Variants in GNE observed in about 807,000 individuals in gnomAD.
The protein encoded by GNE is bifunctional UDP-N-acetylglucosamine 2-epimerase/N-acetylmannosamine kinase.
In GNE, 41 loss-of-function variants were observed where a neutral mutation model predicts 61.8. The observed-to-expected ratio is 0.66, with a 90% CI of 0.52 to 0.86. GNE has a LOEUF of 0.86. Among genes scored for constraint, GNE ranks in the 40% least tolerant of loss-of-function variants. GNE has a pLI of 0.00. For missense variants in GNE, 608 were observed against 909.1 expected (o/e 0.67, Z 4.26); for synonymous variants, 264 against 326.4 (o/e 0.81, Z 2.06).
Position 36,246,722 on chromosome 9 carries a change from G to A in GNE, c.165-240C>T, listed in dbSNP as rs965610594. The stretch of plus-strand genomic sequence containing the variant: ...CTTGCTCTGTTGCCCAGGCTGGAGT[G>A]CAGTAGCGCGATCTAGGCTCACTGC... On this transcript the variant is annotated intron_variant, in intron 2 of 11. Transcript: ENST00000642385. Among the ~76,000 whole-genome samples the A allele has an allele frequency of 4.0e-4, 57 of 142,754 alleles. 1 individual carries two copies. Among genetic ancestry groups the A allele is most frequent in the South Asian group, 6.7e-4 (3 of 4,506 alleles). 93.7% of individuals were successfully genotyped at this position (142,754 alleles called of 152,430 possible).
intron 2 of GNE, among the ~76,000 whole-genome samples, chr9:36,247,832 G>A (rs896224878): frequency 6.6e-6 from 1 of 151,898 alleles, no homozygotes; most frequent in South Asian, 2.1e-4. Context: ...TTTGAGACCA[G>A]CCTGACCAAC....
chr9:36,229,627 G>A (rs1284781953), intron 5 of GNE, among the ~76,000 whole-genome samples: 1 of 152,192 alleles, frequency 6.6e-6, no homozygotes, highest in East Asian at 1.9e-4. Flanking sequence ...GTCAAGAAAG[G>A]AGTTGTTTTG....
Position 36,236,819 on chromosome 9 carries a change from C to G in GNE, c.769+13G>C, listed in dbSNP as rs768832776. 6.2e-7 allele frequency: 1 copy of G among 1,612,604 alleles called. No individual in the cohort carries two copies. The highest frequency in any genetic ancestry group is 1.7e-5 in the Admixed American group (1 of 60,000). On this transcript the variant is annotated intron_variant, in intron 4 of 11. Transcript: ENST00000642385. ...AAAGTAGGTGGCATAATTTCATTTT[C>G]AAGTTCAATTACCTGCGTCAATATT...
At chr9:36,261,524 G>A (rs547850482), upstream of GNE, among the ~76,000 whole-genome samples, 12 of 147,978 alleles carry the variant, frequency 8.1e-5, no homozygotes, top group East Asian at 1.8e-3. Context: ...CTGCACTCCA[G>A]CCTGGGCGAC....
At chr9:36,276,753 T>TA (rs1165995573) in intron 1 of GNE, 1 of 669,790 alleles carries the variant, frequency 1.5e-6, no homozygotes, top group Admixed American at 3.3e-5. Context: ...GAGTTAGCAG[T>TA]AAAAAAGTCT....
chr9:36,239,108 G>A (rs548007802), intron 3 of GNE, among the ~76,000 whole-genome samples: 1 of 152,276 alleles, frequency 6.6e-6, no homozygotes, highest in African/African-American at 2.4e-5. Flanking sequence ...TTTTGTACCA[G>A]TAACATGCTG....
chr9:36,231,144 AAGG>A (rs1554660511), intron 5 of GNE, among the ~76,000 whole-genome samples: 1 of 151,448 alleles, frequency 6.6e-6, no homozygotes, highest in African/African-American at 2.4e-5. Flanking sequence ...GGAAGGAAGG[AAGG>A]AAAAGAAAGA....
intron 9 of GNE, among the ~76,000 whole-genome samples, chr9:36,221,976 G>A (rs1174792330): frequency 6.6e-6 from 1 of 152,086 alleles, no homozygotes; most frequent in Non-Finnish European, 1.5e-5. Flanking sequence ...GTACCTGACG[G>A]GGCAGGACGA....
At position 36,265,157 on chromosome 9, in the gene GNE, G is replaced by A. The variant is rs888626740; in HGVS notation, c.51+11737C>T. 9.3e-5 allele frequency: 28 copies of A among 301,740 alleles called. No homozygotes were observed. The East Asian group carries it at 1.8e-3, about 19-fold the overall frequency. The allele number at this position is 301,740 out of a possible 1,614,324, so 18.7% of individuals were successfully genotyped here. ...TGAAGGCTTGCCGTTGTTCCTGCAC[G>A]GCAAGTGCCTGGGTTCGTCCTAATT... is the stretch of plus-strand genomic sequence containing the variant. On this transcript the variant is annotated intron_variant, in intron 1 of 11. Coordinates refer to the GNE transcript ENST00000396594.
chr9:36,259,392 CTTT>C (rs10557132), upstream of GNE, among the ~76,000 whole-genome samples: 2,584 of 151,656 alleles, frequency 0.017, 79 homozygotes, highest in African/African-American at 0.059. Context: ...ATATTAACAT[CTTT>C]TTTTTTTTAC....
rs1829024570 is a variant in GNE, at chr9:36,229,023, A to G, written c.1068T>C (p.Pro356=). The part of the protein sequence containing the change: ...ALHLQFGKQY[P]CSKIYGDGNA... The stretch of plus-strand genomic sequence containing the variant: ...AACAAAGAATGTTTTATACTCACCA[A>G]GGGTACTGTTTACCAAACTGAAGGT... Residue 356 remains proline, a splice_region_variant and synonymous_variant, in exon 6 of 12, where the codon CCT becomes CCC. Coordinates refer to ENST00000642385, the MANE Select transcript of GNE (RefSeq NM_005476.7). 1.9e-6 allele frequency: 3 copies of G among 1,565,206 alleles called. No individual in the cohort carries two copies. The highest frequency in any genetic ancestry group is 2.6e-6 in the Non-Finnish European group (3 of 1,135,646).
chr9:36,221,426 C>T (rs1414365378), intron 9 of GNE, among the ~76,000 whole-genome samples: 5 of 152,264 alleles, frequency 3.3e-5, no homozygotes, highest in Admixed American at 6.5e-5. Flanking sequence ...GGCTTAACCG[C>T]TTATTAGCTA....
chr9:36,249,200 A>G lies in GNE; in HGVS notation c.156T>C (p.Asp52=). 6.2e-7 allele frequency: 1 copy of G among 1,611,890 alleles called. No homozygotes were observed. The highest frequency in any genetic ancestry group is 2.2e-5 in the East Asian group (1 of 44,878). ...DVVVLGSHLI[D]DYGNTYRMIE... ...AAATGCTTTCATCTTACCCATAGTC[A>G]TCTATCAGGTGAGAGCCAAGTACCA... Residue 52 remains aspartate (D), a synonymous_variant, in exon 2 of 12, where the codon GAT becomes GAC. Coordinates refer to ENST00000642385, the MANE Select transcript of GNE (RefSeq NM_005476.7).
chr9:36,265,040 G>C (rs1830727688), intron 1 of GNE: 1 of 292,296 alleles, frequency 3.4e-6, no homozygotes, highest in Non-Finnish European at 6.5e-6. Context: ...CGCAGTCGCA[G>C]ACCCGCCGCT....
At chr9:36,249,564 C>T (rs1192360136) in intron 1 of GNE, among the ~76,000 whole-genome samples, 167 bp from the exon 2 acceptor site, 1 of 152,074 alleles carries the variant, frequency 6.6e-6, no homozygotes, top group African/African-American at 2.4e-5. Context: ...GTGTGACTCT[C>T]CCATTGGTAT....
chr9:36,232,383 C>G (rs939516863), intron 5 of GNE, among the ~76,000 whole-genome samples: 16 of 138,522 alleles, frequency 1.2e-4, no homozygotes, highest in Non-Finnish European at 2.0e-4. Context: ...CCGGAGTGAT[C>G]TTTCCAAAAT....
rs748042287 is a variant in GNE, at chr9:36,249,323, C to A, written c.33G>T (p.Arg11=). The change falls in exon 2 of 12, where the codon CGG becomes CGT. Residue 11 remains arginine, a synonymous_variant. Coordinates refer to ENST00000642385, the MANE Select transcript of GNE (RefSeq NM_005476.7). The part of the protein sequence containing the change: MEKNGNNRKL[R]VCVATCNRAD... ...CACGGTTACAAGTAGCAACACAAAC[C>A]CGCAGCTTTCGGTTATTTCCATTCT... is the stretch of plus-strand genomic sequence containing the variant. The A allele has an allele frequency of 1.2e-6, 2 of 1,614,030 alleles. No individual in the cohort carries two copies. The highest frequency in any genetic ancestry group is 2.2e-5 in the South Asian group (2 of 91,068).
intron 1 of GNE, among the ~76,000 whole-genome samples, chr9:36,257,802 C>CAAAAAAAAAAAAAAAAAAAAAA (rs60845805): frequency 4.0e-5 from 1 of 25,244 alleles, no homozygotes; most frequent in African/African-American, 1.3e-4. Context: ...GACTCAGTCT[C>CAAAAAAAAAAAAAAAAAAAAAA]AAAAAAAAAA....
chr9:36,269,316 C>G (rs1007704380), intron 1 of GNE, among the ~76,000 whole-genome samples: 1 of 151,860 alleles, frequency 6.6e-6, no homozygotes, highest in Non-Finnish European at 1.5e-5. Flanking sequence ...CCCTGCCCCT[C>G]TGCGTACTCA....
Sources: allele counts gnomAD v4.1 joint callset (sites outside exome capture counted in the v4.1 genomes callset), GRCh38; gene constraint gnomAD v4.1.1; transcripts MANE v1.5; gene names NCBI Gene and HGNC (gene_info 2026-07-23, HGNC 2026-07-21).